CDKAL1: variants seen among roughly 807,000 people sequenced by gnomAD.
The protein encoded by CDKAL1 is threonylcarbamoyladenosine tRNA methylthiotransferase.
Under a neutral mutation model 68.2 loss-of-function variants are expected in CDKAL1, and 32 were observed. The ratio of observed to expected loss-of-function variants is 0.47; its 90% CI spans 0.35 to 0.63. The LOEUF (loss-of-function observed/expected upper bound fraction) is 0.63. CDKAL1 is among the 30% of genes least tolerant of loss of function. The pLI, the probability that CDKAL1 is intolerant of heterozygous loss-of-function variation, is 0.00. For synonymous variants in CDKAL1, 234 were observed against 244.3 expected (o/e 0.96, Z 0.39); for missense variants, 606 against 696.7 (o/e 0.87, Z 1.47).
At position 20,952,080 on chromosome 6, in the gene CDKAL1, T is replaced by C. The variant is rs894563634; in HGVS notation, c.743-3339T>C. On this transcript the variant is annotated intron_variant, in intron 9 of 15. Transcript: ENST00000274695. ...TTCACACCATTCTTCTGCCTCAGCC[T>C]CCCGAGTAGCTGGGACTACAGGCGC... 2.7e-3 allele frequency among the ~76,000 whole-genome samples: 405 copies of C among 149,848 alleles called. 3 individuals are homozygous for C. The highest frequency in any genetic ancestry group is 9.4e-3 in the African/African-American group (383 of 40,858).
intron 3 of CDKAL1, among the ~76,000 whole-genome samples, chr6:20,546,833 C>A (rs972265629): frequency 1.3e-5 from 2 of 152,138 alleles, no homozygotes; most frequent in African/African-American, 2.4e-5. Flanking sequence ...GGATTACTGG[C>A]CTGAGCCACT....
At chr6:20,791,120 C>G (rs1020977337) in intron 8 of CDKAL1, among the ~76,000 whole-genome samples, 1 of 152,152 alleles carries the variant, frequency 6.6e-6, no homozygotes, top group Non-Finnish European at 1.5e-5. Context: ...ACCCGACACC[C>G]TCTGCCTAGG....
At chr6:20,669,946 T>C (rs1449293942) in intron 5 of CDKAL1, among the ~76,000 whole-genome samples, 1 of 151,600 alleles carries the variant, frequency 6.6e-6, no homozygotes, top group African/African-American at 2.4e-5. Flanking sequence ...CACCTATAAC[T>C]ATTTCTACTT....
intron 4 of CDKAL1, among the ~76,000 whole-genome samples, chr6:20,648,924 CTG>C (rs1768616533): frequency 2.0e-5 from 3 of 152,182 alleles, no homozygotes; most frequent in Non-Finnish European, 4.4e-5. Context: ...AGTGTACACT[CTG>C]TGCCTGAAAA....
intron 8 of CDKAL1, among the ~76,000 whole-genome samples, chr6:20,803,562 G>A (rs1215628103): frequency 2.6e-5 from 4 of 152,184 alleles, no homozygotes; most frequent in African/African-American, 9.6e-5. Context: ...TGATAGTAAA[G>A]TGTTCATGGT....
intron 5 of CDKAL1, among the ~76,000 whole-genome samples, chr6:20,678,394 A>G (rs1346542145): frequency 6.6e-6 from 1 of 152,102 alleles, no homozygotes; most frequent in Non-Finnish European, 1.5e-5. Context: ...GTCATTCTGA[A>G]TTATTTAGCT....
At chr6:20,642,193 A>T (rs1179698874) in intron 4 of CDKAL1, among the ~76,000 whole-genome samples, 1 of 152,180 alleles carries the variant, frequency 6.6e-6, no homozygotes, top group African/African-American at 2.4e-5. Flanking sequence ...ATTACTTAGT[A>T]ATTTGGGAAT....
intron 11 of CDKAL1, among the ~76,000 whole-genome samples, chr6:21,003,843 G>A (rs182633923): frequency 1.3e-3 from 200 of 152,190 alleles, no homozygotes; most frequent in African/African-American, 4.4e-3. Context: ...TGTGCCTAAC[G>A]CTCATTCATA....
chr6:21,123,984 A>C (rs1268574605), intron 13 of CDKAL1, among the ~76,000 whole-genome samples: 1 of 152,212 alleles, frequency 6.6e-6, no homozygotes, highest in African/African-American at 2.4e-5. Flanking sequence ...TTAGTGATTC[A>C]GCTTTCTCTT....
intron 15 of CDKAL1, among the ~76,000 whole-genome samples, chr6:21,205,591 C>G (rs1283854391): frequency 6.6e-5 from 10 of 151,822 alleles, no homozygotes; most frequent in Admixed American, 6.6e-4. Flanking sequence ...AGTGCAGTGG[C>G]CTGATCTCGG....
At chr6:20,676,403 C>T (rs1401646195) in intron 5 of CDKAL1, among the ~76,000 whole-genome samples, 9 of 152,146 alleles carry the variant, frequency 5.9e-5, no homozygotes. Context: ...CACAATGGCT[C>T]ATGCCTGTAA....
intron 8 of CDKAL1, among the ~76,000 whole-genome samples, chr6:20,781,596 C>T (rs961370638): frequency 1.3e-5 from 2 of 151,980 alleles, no homozygotes; most frequent in Non-Finnish European, 2.9e-5. Flanking sequence ...TTGTCATATT[C>T]GACTGTTTTT....
chr6:20,837,402 C>G (rs1777992781), intron 8 of CDKAL1, among the ~76,000 whole-genome samples: 1 of 152,086 alleles, frequency 6.6e-6, no homozygotes, highest in African/African-American at 2.4e-5. Context: ...GCCTCAACCA[C>G]TGTTTCCTGT....
At chr6:21,135,925 C>A (rs888506947) in intron 13 of CDKAL1, among the ~76,000 whole-genome samples, 1 of 152,232 alleles carries the variant, frequency 6.6e-6, no homozygotes, top group Non-Finnish European at 1.5e-5. Context: ...GTAATAAACT[C>A]CCATAATGCC....
At chr6:20,610,692 A>C (rs1348527964) in intron 4 of CDKAL1, among the ~76,000 whole-genome samples, 1 of 152,128 alleles carries the variant, frequency 6.6e-6, no homozygotes, top group East Asian at 1.9e-4. Context: ...CCAAAACAGG[A>C]AACAAACATT....
intron 8 of CDKAL1, among the ~76,000 whole-genome samples, chr6:20,797,077 A>G: frequency 6.6e-6 from 1 of 152,202 alleles, no homozygotes; most frequent in East Asian, 1.9e-4. Context: ...AACTATTAAG[A>G]TAATAAGAAG....
intron 9 of CDKAL1, among the ~76,000 whole-genome samples, chr6:20,877,945 G>GTA (rs1760611452): frequency 6.6e-6 from 1 of 152,030 alleles, no homozygotes. Flanking sequence ...ATACTTTTCC[G>GTA]TATGTGTCTC....
At chr6:21,212,787 C>G in intron 15 of CDKAL1, among the ~76,000 whole-genome samples, 1 of 152,066 alleles carries the variant, frequency 6.6e-6, no homozygotes, top group East Asian at 1.9e-4. Context: ...ATTTAAAGGG[C>G]TTTGGGGAAA....
At chr6:20,631,687 A>G (rs950240578) in intron 4 of CDKAL1, among the ~76,000 whole-genome samples, 11 of 152,174 alleles carry the variant, frequency 7.2e-5, no homozygotes, top group African/African-American at 2.7e-4. Flanking sequence ...CTGCTGAATA[A>G]TTGGATGAAA....
Sources: allele counts gnomAD v4.1 joint callset (sites outside exome capture counted in the v4.1 genomes callset), GRCh38; gene constraint gnomAD v4.1.1; transcripts MANE v1.5; gene names NCBI Gene and HGNC (gene_info 2026-07-23, HGNC 2026-07-21).